The following SLC38A12 variants were observed in gnomAD, a reference collection of about 807,000 sequenced individuals.
SLC38A12 encodes the protein putative sodium-coupled neutral amino acid transporter 12.
chr17:74,786,882 A>G, the SLC38A12 span, among the ~76,000 whole-genome samples: 3 of 152,304 alleles, frequency 2.0e-5, no homozygotes, highest in South Asian at 6.2e-4. Context: ...AAGGACCTTC[A>G]GCACAGGCAG....
At chr17:74,795,624 A>T in the SLC38A12 span, 1 of 1,613,228 alleles carries the variant, frequency 6.2e-7, no homozygotes, top group South Asian at 1.1e-5. Context: ...CGCCTACCGC[A>T]TCTACTTGGT....
At chr17:74,799,364 C>A in the SLC38A12 span, among the ~76,000 whole-genome samples, 1 of 152,242 alleles carries the variant, frequency 6.6e-6, no homozygotes. Flanking sequence ...CGCAAACTGC[C>A]CTGTTGAGCA....
the SLC38A12 span, among the ~76,000 whole-genome samples, chr17:74,777,989 T>C: frequency 0.55 from 83,178 of 152,154 alleles, 23,663 homozygotes; most frequent in Non-Finnish European, 0.64. Flanking sequence ...GAACAGTGAT[T>C]GACAGCTGTT....
the SLC38A12 span, chr17:74,795,009 C>A: frequency 1.2e-6 from 2 of 1,613,294 alleles, no homozygotes; most frequent in Non-Finnish European, 8.5e-7. Flanking sequence ...GTGTTCCTTT[C>A]AGTGGGGGTC....
the SLC38A12 span, among the ~76,000 whole-genome samples, chr17:74,793,590 G>A: frequency 2.0e-5 from 3 of 152,150 alleles, no homozygotes; most frequent in Non-Finnish European, 4.4e-5. Flanking sequence ...TGACCAGGGA[G>A]GGCCAATGGC....
chr17:74,776,588 G>C, the SLC38A12 span: 4 of 152,158 alleles, frequency 2.6e-5, no homozygotes, highest in East Asian at 3.9e-4. Context: ...GTGTTGGGTC[G>C]GGTCGGGTCG....
chr17:74,828,833 T>A, the SLC38A12 span, among the ~76,000 whole-genome samples: 7 of 151,620 alleles, frequency 4.6e-5, no homozygotes, highest in Non-Finnish European at 1.0e-4. Context: ...GAGTGAGGAG[T>A]CCTGGACCAA....
the SLC38A12 span, among the ~76,000 whole-genome samples, chr17:74,784,966 T>A: frequency 0.036 from 5,437 of 151,770 alleles, 309 homozygotes; most frequent in African/African-American, 0.12. Context: ...ACTTTTTTTT[T>A]AAAAACCCTG....
chr17:74,791,035 A>C, the SLC38A12 span: 6 of 1,612,532 alleles, frequency 3.7e-6, no homozygotes, highest in Non-Finnish European at 5.1e-6. Context: ...TCTTCAATAA[A>C]GGTAGAAGTT....
At chr17:74,838,371 C>T in the SLC38A12 span, 4 of 996,828 alleles carry the variant, frequency 4.0e-6, no homozygotes, top group Non-Finnish European at 4.8e-6. Context: ...CTGGCTGCCC[C>T]ACTGTGGCTG....
At chr17:74,808,261 T>A in the SLC38A12 span, among the ~76,000 whole-genome samples, 33 of 152,206 alleles carry the variant, frequency 2.2e-4, no homozygotes, top group Non-Finnish European at 4.4e-4. Flanking sequence ...AGCCCTTCCA[T>A]CAGGATGTAA....
At chr17:74,792,267 A>G in the SLC38A12 span, among the ~76,000 whole-genome samples, 2 of 152,208 alleles carry the variant, frequency 1.3e-5, no homozygotes, top group Admixed American at 1.3e-4. Flanking sequence ...CCTGGCCAAC[A>G]TGGTGAAACC....
chr17:74,778,976 G>A, the SLC38A12 span, among the ~76,000 whole-genome samples: 1 of 152,048 alleles, frequency 6.6e-6, no homozygotes, highest in African/African-American at 2.4e-5. Flanking sequence ...CCTCTCAGGT[G>A]AAGTCTTTCA....
the SLC38A12 span, chr17:74,838,313 T>C: frequency 1.0e-6 from 1 of 985,752 alleles, no homozygotes; most frequent in Non-Finnish European, 1.2e-6. Flanking sequence ...GCCTCTCAGG[T>C]TGGGTAGAGC....
the SLC38A12 span, among the ~76,000 whole-genome samples, chr17:74,813,040 C>T: frequency 6.6e-6 from 1 of 152,218 alleles, no homozygotes; most frequent in Non-Finnish European, 1.5e-5. Context: ...GAACTGCCCA[C>T]ATAGTAACCA....
the SLC38A12 span, chr17:74,839,324 T>A: frequency 1.3e-6 from 1 of 759,494 alleles, no homozygotes; most frequent in Non-Finnish European, 2.0e-6. Flanking sequence ...GTCAGAGTGG[T>A]GGGGAGGACA....
the SLC38A12 span, among the ~76,000 whole-genome samples, chr17:74,818,688 C>T: frequency 3.9e-5 from 6 of 152,226 alleles, no homozygotes; most frequent in South Asian, 4.1e-4. Flanking sequence ...GCTTCCGAGC[C>T]GCCTGCCGCA....
the SLC38A12 span, among the ~76,000 whole-genome samples, chr17:74,791,303 C>G: frequency 4.6e-5 from 7 of 152,140 alleles, no homozygotes; most frequent in Non-Finnish European, 1.5e-5. Flanking sequence ...GGTCAGGAAC[C>G]CCAGGCAGCT....
the SLC38A12 span, among the ~76,000 whole-genome samples, chr17:74,832,172 C>T: frequency 6.6e-6 from 1 of 152,080 alleles, no homozygotes; most frequent in Non-Finnish European, 1.5e-5. Context: ...CCTGACCTCC[C>T]CTCTGTCCCT....
Sources: allele counts gnomAD v4.1 joint callset (sites outside exome capture counted in the v4.1 genomes callset), GRCh38; gene constraint gnomAD v4.1.1; transcripts MANE v1.5; gene names NCBI Gene and HGNC (gene_info 2026-07-23, HGNC 2026-07-21).